Variants in AZIN1 observed in about 807,000 individuals in gnomAD.
AZIN1 encodes the protein ornithine decarboxylase antizyme inhibitor.
In AZIN1, 12 loss-of-function variants were observed where a neutral mutation model predicts 47.4. The observed-to-expected ratio is 0.25, with a 90% confidence interval of 0.16 to 0.41. The LOEUF is 0.41. Among genes scored for constraint, AZIN1 ranks in the 10% least tolerant of loss-of-function variants. The pLI is 1.00. For missense variants in AZIN1, 410 were observed against 532.4 expected (o/e 0.77, Z 2.26); for synonymous variants, 155 against 176.3 (o/e 0.88, Z 0.96).
intron 1 of AZIN1, among the ~76,000 whole-genome samples, chr8:102,860,554 C>A (rs1345757591): frequency 2.0e-5 from 3 of 152,062 alleles, no homozygotes; most frequent in Non-Finnish European, 4.4e-5. Context: ...TGAGCCACCA[C>A]GCCTGGCCTA....
intron 5 of AZIN1, among the ~76,000 whole-genome samples, chr8:102,837,406 C>A (rs1811890503): frequency 6.6e-6 from 1 of 152,116 alleles, no homozygotes; most frequent in Non-Finnish European, 1.5e-5. Flanking sequence ...TATACAAATT[C>A]TTTTTGTGTA....
intron 3 of AZIN1, among the ~76,000 whole-genome samples, chr8:102,841,993 C>T (rs555900925): frequency 1.3e-5 from 2 of 152,034 alleles, no homozygotes; most frequent in East Asian, 1.9e-4. Flanking sequence ...CGCCTGTAAT[C>T]CCAGCTACTT....
At chr8:102,858,556 T>G (rs530589379) in intron 1 of AZIN1, among the ~76,000 whole-genome samples, 2 of 152,338 alleles carry the variant, frequency 1.3e-5, no homozygotes, top group African/African-American at 4.8e-5. Flanking sequence ...ATATGAATAA[T>G]GTACTAGCAT....
At chr8:102,837,028 C>T (rs971013622) in intron 5 of AZIN1, among the ~76,000 whole-genome samples, 1 of 152,148 alleles carries the variant, frequency 6.6e-6, no homozygotes, top group African/African-American at 2.4e-5. Flanking sequence ...AGCAATTCTC[C>T]TGCCTCAGCC....
chr8:102,862,430 C>CGA (rs1813740536), intron 1 of AZIN1, among the ~76,000 whole-genome samples: 1 of 152,172 alleles, frequency 6.6e-6, no homozygotes, highest in East Asian at 1.9e-4. Context: ...AAGGCACTGA[C>CGA]TACTCGACCT....
At chr8:102,844,357 A>T (rs1404997107) in intron 2 of AZIN1, among the ~76,000 whole-genome samples, 1 of 152,186 alleles carries the variant, frequency 6.6e-6, no homozygotes, top group Non-Finnish European at 1.5e-5. Flanking sequence ...AAAAAAAAAA[A>T]AAATTCCCAA....
At chr8:102,853,743 G>A (rs928250121) in intron 2 of AZIN1, among the ~76,000 whole-genome samples, 2 of 151,980 alleles carry the variant, frequency 1.3e-5, no homozygotes, top group Admixed American at 6.5e-5. Context: ...GTATTTCAAC[G>A]ATAGTGGTTT....
In AZIN1 at chr8:102,842,106, C is replaced by T. The variant is rs116359284; in HGVS notation, c.102+1445G>A. Among the ~76,000 whole-genome samples the T allele has an allele frequency of 7.1e-3, 1,074 of 150,624 alleles. 18 individuals carry two copies. The highest frequency in any genetic ancestry group is 0.025 in the African/African-American group (1,011 of 40,990). On this transcript the variant is annotated intron_variant, in intron 3 of 11. Transcript: ENST00000337198. ...AGCCTGGGCAACAAGAGTGAAACTT[C>T]GTCTCAAAGAGAAAAAAAAAAAGAA...
intron 3 of AZIN1, among the ~76,000 whole-genome samples, chr8:102,841,534 C>A (rs1283127358): frequency 6.6e-6 from 1 of 151,996 alleles, no homozygotes; most frequent in Non-Finnish European, 1.5e-5. Flanking sequence ...AATGGCTTGG[C>A]AGAAATTGGT....
intron 3 of AZIN1, 79 bp downstream of exon 3, chr8:102,843,472 T>C (rs1403815589): frequency 2.4e-6 from 3 of 1,276,532 alleles, no homozygotes; most frequent in South Asian, 2.5e-5. Flanking sequence ...TCTGATCAGA[T>C]TACCATCTTG....
At chr8:102,859,705 G>C (rs1237863184) in intron 1 of AZIN1, among the ~76,000 whole-genome samples, 3 of 152,140 alleles carry the variant, frequency 2.0e-5, no homozygotes, top group Non-Finnish European at 2.9e-5. Context: ...GCATGGCGGT[G>C]CACACCTGTA....
At chr8:102,836,805 T>C (rs1307503144) in intron 5 of AZIN1, among the ~76,000 whole-genome samples, 1 of 152,264 alleles carries the variant, frequency 6.6e-6, no homozygotes, top group African/African-American at 2.4e-5. Context: ...TTGTGCTAAC[T>C]AGCTAAACCT....
At chr8:102,851,683 A>G (rs1812928959) in intron 2 of AZIN1, among the ~76,000 whole-genome samples, 2 of 152,166 alleles carry the variant, frequency 1.3e-5, no homozygotes, top group Admixed American at 1.3e-4. Context: ...TGGGTGACAG[A>G]GCAAGACTGT....
chr8:102,859,201 AATG>A (rs1477090556), intron 1 of AZIN1: 3 of 152,230 alleles, frequency 2.0e-5, no homozygotes, highest in Non-Finnish European at 4.4e-5. Flanking sequence ...ACAAACATGC[AATG>A]ATGATAATAA....
At chr8:102,837,716 A>C (rs1811910001) in intron 5 of AZIN1, among the ~76,000 whole-genome samples, 4 of 152,246 alleles carry the variant, frequency 2.6e-5, no homozygotes. Flanking sequence ...CAGAGTAATC[A>C]ATGCTGTCAG....
intron 9 of AZIN1, among the ~76,000 whole-genome samples, chr8:102,831,933 C>T (rs866962604): frequency 2.0e-5 from 3 of 151,940 alleles, no homozygotes; most frequent in Non-Finnish European, 2.9e-5. Context: ...CCAGCCTGGG[C>T]GACAAAACAA....
chr8:102,834,864 C>G (rs1462454922), intron 6 of AZIN1, 117 bp from the exon 7 acceptor site: 3 of 661,830 alleles, frequency 4.5e-6, no homozygotes, highest in Non-Finnish European at 7.7e-6. Flanking sequence ...ATTAACTTTA[C>G]CAAATATTTA....
At chr8:102,842,557 A>C (rs1237950429) in intron 3 of AZIN1, among the ~76,000 whole-genome samples, 1 of 151,684 alleles carries the variant, frequency 6.6e-6, no homozygotes, top group African/African-American at 2.4e-5. Context: ...AATACAAAAA[A>C]TTAGCTGGGC....
Position 102,833,048 on chromosome 8 carries a change from T to A in AZIN1, c.904+8A>T. 6.3e-7 allele frequency: 1 copy of A among 1,596,884 alleles called. No homozygotes were observed. Among genetic ancestry groups the A allele is most frequent in the Non-Finnish European group, 8.6e-7 (1 of 1,165,660 alleles). On this transcript the variant is annotated splice_region_variant and intron_variant, in intron 9 of 11. Coordinates refer to ENST00000337198, the MANE Select transcript of AZIN1 (RefSeq NM_148174.4). ...AACAAAAATAAAACTATAAACTTTA[T>A]AACTTACCTCCAGAGGGAAATTTAT...
Sources: gnomAD v4.1 joint callset for allele counts (sites outside exome capture counted in the v4.1 genomes callset) on GRCh38, gnomAD v4.1.1 for gene constraint, MANE v1.5 for transcripts, NCBI Gene and HGNC (gene_info 2026-07-23, HGNC 2026-07-21) for gene names.